Variants in RTN1 observed in about 807,000 individuals in gnomAD.
The protein encoded by RTN1 is reticulon 1.
RTN1 carries 25 observed loss-of-function variants against 65.5 expected under a neutral mutation model. That is an observed-to-expected ratio of 0.38 (90% confidence interval 0.28 to 0.53). The LOEUF (loss-of-function observed/expected upper bound fraction) is 0.53, where lower values mean the gene tolerates loss of function less well. Ranked by LOEUF, RTN1 falls within the 20% of genes least tolerant of loss-of-function variation. The pLI is 0.79. For missense variants in RTN1, 983 were observed against 1,025.4 expected, an observed-to-expected ratio of 0.96 and a Z score of 0.57; for synonymous variants, 471 against 447.6, an observed-to-expected ratio of 1.05 and a Z score of -0.66.
chr14:59,866,781 C>T (rs187684490), intron 1 of RTN1, among the ~76,000 whole-genome samples: 10 of 152,170 alleles, frequency 6.6e-5, no homozygotes, highest in African/African-American at 2.2e-4. Flanking sequence ...GAAATTTATA[C>T]CTTCTGAAGG....
chr14:59,829,792 ACACAACATTTC>A lies in RTN1; in HGVS notation c.241+40587_241+40597del, dbSNP rs1887095062. The stretch of plus-strand genomic sequence containing the variant: ...CTTAAAACTTTTACCCTGAAGAGGC[ACACAACATTTC>A]CACTCCTGTTTCATTAGCCAAACCA... On this transcript the variant is annotated intron_variant, in intron 1 of 8. Transcript: ENST00000267484. The surrounding 1 kb of genome is among the most constrained non-coding windows in gnomAD (Gnocchi z 4.3). Among the ~76,000 whole-genome samples, 1 of 151,880 alleles carries A rather than the reference ACACAACATTTC, an allele frequency of 6.6e-6. No homozygotes were observed. Among genetic ancestry groups the A allele is most frequent in the South Asian group, 2.1e-4 (1 of 4,834 alleles).
chr14:59,807,323 TAGA>T (rs1162043774), intron 1 of RTN1, among the ~76,000 whole-genome samples: 4 of 152,188 alleles, frequency 2.6e-5, no homozygotes, highest in Non-Finnish European at 5.9e-5. Flanking sequence ...CTAGAACTGC[TAGA>T]AGACTTCAGC....
At chr14:59,723,100 T>C (rs1028063688) in intron 3 of RTN1, among the ~76,000 whole-genome samples, 1 of 152,136 alleles carries the variant, frequency 6.6e-6, no homozygotes, top group Non-Finnish European at 1.5e-5. Context: ...GCCCAGACTC[T>C]TTAACTTTGA....
At chr14:59,750,208 TAATATATATATTATATCTATAA>T (rs1885438264) in intron 1 of RTN1, among the ~76,000 whole-genome samples, 2 of 26,374 alleles carry the variant, frequency 7.6e-5, no homozygotes, top group Non-Finnish European at 1.3e-4. Flanking sequence ...CTATAATATA[TAATATATATATTATATCTATAA>T]TATATATATT....
chr14:59,867,658 A>G (rs930672509), intron 1 of RTN1, among the ~76,000 whole-genome samples: 10 of 152,242 alleles, frequency 6.6e-5, no homozygotes, highest in African/African-American at 2.4e-4. Flanking sequence ...AATAAATAAC[A>G]GAATATCTGT....
intron 1 of RTN1, among the ~76,000 whole-genome samples, chr14:59,853,673 T>G (rs1887549960): frequency 6.6e-6 from 1 of 152,084 alleles, no homozygotes; most frequent in South Asian, 2.1e-4. Flanking sequence ...TTAACGAGAC[T>G]TAACAGTTAT....
chr14:59,638,784 C>A (rs1882718374), intron 3 of RTN1, among the ~76,000 whole-genome samples: 1 of 152,208 alleles, frequency 6.6e-6, no homozygotes, highest in Admixed American at 6.5e-5. Context: ...TTGGTTTGGT[C>A]TTCTAACCAG....
intron 3 of RTN1, among the ~76,000 whole-genome samples, chr14:59,689,168 A>T (rs1462762354): frequency 1.3e-5 from 2 of 152,184 alleles, no homozygotes; most frequent in Non-Finnish European, 2.9e-5. Context: ...TCAATATAAA[A>T]TTGAAAGCTT....
intron 3 of RTN1, among the ~76,000 whole-genome samples, chr14:59,649,921 A>C (rs1199681012): frequency 2.6e-5 from 4 of 152,272 alleles, no homozygotes; most frequent in African/African-American, 9.6e-5. Flanking sequence ...AAGGATTATA[A>C]ATCATTCTAC....
At chr14:59,715,533 T>A (rs1884515276) in intron 3 of RTN1, among the ~76,000 whole-genome samples, 2 of 152,186 alleles carry the variant, frequency 1.3e-5, no homozygotes, top group Admixed American at 1.3e-4. Flanking sequence ...GCATTACAAA[T>A]CTGGACCTTA....
chr14:59,738,631 C>A (rs1885049067), intron 2 of RTN1, among the ~76,000 whole-genome samples: 1 of 152,180 alleles, frequency 6.6e-6, no homozygotes, highest in Non-Finnish European at 1.5e-5. Flanking sequence ...TACAATTTGA[C>A]CCAGCAATCC....
At chr14:59,695,499 G>A (rs1410861073) in intron 3 of RTN1, among the ~76,000 whole-genome samples, 1 of 152,168 alleles carries the variant, frequency 6.6e-6, no homozygotes, top group Non-Finnish European at 1.5e-5. Flanking sequence ...GACAGGGGCT[G>A]CTCCTTTAGC....
At chr14:59,688,546 G>A (rs1169997525) in intron 3 of RTN1, among the ~76,000 whole-genome samples, 1 of 152,182 alleles carries the variant, frequency 6.6e-6, no homozygotes, top group African/African-American at 2.4e-5. Context: ...CCCATTGCTT[G>A]AGGCAACAGA....
intron 3 of RTN1, among the ~76,000 whole-genome samples, chr14:59,641,912 A>C (rs1882789792): frequency 6.6e-6 from 1 of 152,092 alleles, no homozygotes; most frequent in African/African-American, 2.4e-5. Flanking sequence ...ACATTTACTC[A>C]CATATTTATC....
chr14:59,627,200 G>A (rs1882422479), intron 3 of RTN1, among the ~76,000 whole-genome samples: 1 of 152,222 alleles, frequency 6.6e-6, no homozygotes, highest in Non-Finnish European at 1.5e-5. Context: ...ATGTGAAGGG[G>A]TTATTAAGCC....
Position 59,870,302 on chromosome 14 carries a change from C to CAGGT in RTN1, c.241+84_241+87dup. 7.8e-7 allele frequency: 1 copy of CAGGT among 1,283,710 alleles called. No homozygotes were observed. Among genetic ancestry groups the CAGGT allele is most frequent in the African/African-American group, 1.5e-5 (1 of 65,172 alleles). The allele number at this position is 1,283,710 out of a possible 1,614,324, so 79.5% of individuals were successfully genotyped here. On this transcript the variant is annotated intron_variant, in intron 1 of 8. Transcript: ENST00000267484. The surrounding 1 kb of genome is among the most constrained non-coding windows in gnomAD (Gnocchi z 5.1). ...GGCGCTCAAGGCAGAAAGCGCGAGG[C>CAGGT]AGGTGCCCAGGAGAGCCGCGCAGAA...
At chr14:59,720,020 C>G (rs1448356082) in intron 3 of RTN1, among the ~76,000 whole-genome samples, 2 of 152,080 alleles carry the variant, frequency 1.3e-5, no homozygotes, top group East Asian at 1.9e-4. Flanking sequence ...TGATCAATGC[C>G]CTACTGCATG....
At chr14:59,767,491 T>C (rs1350090609) in intron 1 of RTN1, among the ~76,000 whole-genome samples, 1 of 152,232 alleles carries the variant, frequency 6.6e-6, no homozygotes, top group African/African-American at 2.4e-5. Context: ...AACTTTTACT[T>C]GCTTGAGCCA....
chr14:59,708,284 T>C (rs1884342539), intron 3 of RTN1, among the ~76,000 whole-genome samples: 1 of 152,220 alleles, frequency 6.6e-6, no homozygotes, highest in East Asian at 1.9e-4. Context: ...AAAGTCTGCT[T>C]CTCTGATTTC....
Sources: gnomAD v4.1 joint callset for allele counts (sites outside exome capture counted in the v4.1 genomes callset) on GRCh38, gnomAD v4.1.1 for gene constraint, Gnocchi (gnomAD v3.1) non-coding constraint, MANE v1.5 for transcripts, NCBI Gene and HGNC (gene_info 2026-07-23, HGNC 2026-07-21) for gene names.